The following GLIS3 variants were observed in gnomAD, a reference collection of about 807,000 sequenced individuals.
GLIS3 encodes zinc finger protein GLIS3.
Under a neutral mutation model 78.6 loss-of-function variants are expected in GLIS3, and 53 were observed. The observed-to-expected ratio is 0.67, with a 90% CI of 0.54 to 0.85. The LOEUF (loss-of-function observed/expected upper bound fraction) is 0.85, where lower values mean the gene tolerates loss of function less well. Ranked by LOEUF, GLIS3 falls within the 40% of genes least tolerant of loss-of-function variation. GLIS3 has a pLI of 0.00. For synonymous variants in GLIS3, 684 were observed against 509.9 expected (o/e 1.34, Z -4.60); for missense variants, 1,703 against 1,231.1 (o/e 1.38, Z -5.74).
At chr9:4,020,915 C>T (rs1443322402) in intron 4 of GLIS3, among the ~76,000 whole-genome samples, 1 of 152,164 alleles carries the variant, frequency 6.6e-6, no homozygotes, top group Non-Finnish European at 1.5e-5. Context: ...TCAACTTCCA[C>T]CTGCACACAG....
chr9:3,993,232 G>A (rs529146224), intron 4 of GLIS3, among the ~76,000 whole-genome samples: 1 of 152,236 alleles, frequency 6.6e-6, no homozygotes, highest in South Asian at 2.1e-4. Flanking sequence ...GCCTCATACT[G>A]TTTGTCAGAT....
At chr9:4,232,472 C>T (rs144867212) in intron 2 of GLIS3, among the ~76,000 whole-genome samples, 1 of 151,828 alleles carries the variant, frequency 6.6e-6, no homozygotes, top group East Asian at 1.9e-4. Flanking sequence ...CTTCAAGTTC[C>T]TATGTTTACT....
chr9:4,026,370 T>C (rs1179831109), intron 4 of GLIS3, among the ~76,000 whole-genome samples: 1 of 152,208 alleles, frequency 6.6e-6, no homozygotes, highest in Non-Finnish European at 1.5e-5. Context: ...ATAATAATGC[T>C]TTTCTGTTAT....
At chr9:4,328,194 C>T (rs10814940) in intron 2 of GLIS3, among the ~76,000 whole-genome samples, 2 of 152,074 alleles carry the variant, frequency 1.3e-5, no homozygotes, top group Non-Finnish European at 2.9e-5. Context: ...AGACCCGAGA[C>T]TGACTAACCC....
intron 8 of GLIS3, among the ~76,000 whole-genome samples, chr9:3,858,772 C>G (rs890926796): frequency 1.3e-4 from 19 of 151,940 alleles, no homozygotes; most frequent in African/African-American, 4.6e-4. Context: ...AAGAAGTGAT[C>G]ACAATTATCC....
At chr9:3,841,829 C>G (rs557606319) in intron 9 of GLIS3, among the ~76,000 whole-genome samples, 2 of 152,294 alleles carry the variant, frequency 1.3e-5, no homozygotes, top group South Asian at 4.1e-4. Context: ...ACTAAAAATT[C>G]TAGCTCCTGC....
chr9:4,169,071 G>C (rs145838657), intron 2 of GLIS3, among the ~76,000 whole-genome samples: 1 of 152,194 alleles, frequency 6.6e-6, no homozygotes, highest in Non-Finnish European at 1.5e-5. Flanking sequence ...GAAGATGGGA[G>C]AGGTGATTGT....
the GLIS3 span, among the ~76,000 whole-genome samples, chr9:4,408,771 G>A: frequency 6.7e-6 from 1 of 149,676 alleles, no homozygotes; most frequent in Non-Finnish European, 1.5e-5. Flanking sequence ...ATAGGACCTA[G>A]TATTTGATGT....
chr9:4,182,069 C>T (rs949167872), intron 2 of GLIS3, among the ~76,000 whole-genome samples: 1 of 152,130 alleles, frequency 6.6e-6, no homozygotes, highest in African/African-American at 2.4e-5. Flanking sequence ...TCTTTAAGTA[C>T]ACCTATGTTG....
intron 4 of GLIS3, among the ~76,000 whole-genome samples, chr9:4,010,252 C>G (rs758172117): frequency 6.6e-6 from 1 of 152,192 alleles, no homozygotes; most frequent in Non-Finnish European, 1.5e-5. Context: ...AACTCTGCCA[C>G]TTACTAGACA....
chr9:4,272,657 C>A (rs1193862666), intron 2 of GLIS3, among the ~76,000 whole-genome samples: 2 of 152,134 alleles, frequency 1.3e-5, no homozygotes, highest in Non-Finnish European at 2.9e-5. Context: ...TCTAGAATAA[C>A]CAGAAACTTG....
At chr9:4,273,968 A>G (rs537982901) in intron 2 of GLIS3, among the ~76,000 whole-genome samples, 7 of 152,276 alleles carry the variant, frequency 4.6e-5, no homozygotes, top group African/African-American at 1.7e-4. Flanking sequence ...GCCTCATGAA[A>G]CCAAAGAAAA....
the GLIS3 span, among the ~76,000 whole-genome samples, chr9:4,357,330 G>A: frequency 1.3e-5 from 2 of 152,266 alleles, no homozygotes; most frequent in East Asian, 3.9e-4. Flanking sequence ...CAATCCCCTG[G>A]AAGCTTTAAT....
intron 8 of GLIS3, among the ~76,000 whole-genome samples, chr9:3,862,525 ATTTC>A (rs1820279627): frequency 6.6e-6 from 1 of 152,104 alleles, no homozygotes; most frequent in Non-Finnish European, 1.5e-5. Context: ...GTACACATTT[ATTTC>A]TTTAACAAAA....
intron 4 of GLIS3, among the ~76,000 whole-genome samples, chr9:4,020,961 C>T (rs903977781): frequency 6.6e-6 from 1 of 152,162 alleles, no homozygotes; most frequent in African/African-American, 2.4e-5. Context: ...CTTCTATGCG[C>T]TAGAGAAAGT....
intron 3 of GLIS3, among the ~76,000 whole-genome samples, chr9:4,125,343 T>C (rs1004368458): frequency 6.6e-6 from 1 of 152,176 alleles, no homozygotes; most frequent in African/African-American, 2.4e-5. Flanking sequence ...CTGGAAACTC[T>C]GCATCATATT....
chr9:4,329,797 C>CTT (rs1817657581), intron 2 of GLIS3, among the ~76,000 whole-genome samples: 1 of 152,126 alleles, frequency 6.6e-6, no homozygotes, highest in African/African-American at 2.4e-5. Flanking sequence ...CGTATTAATA[C>CTT]TGTCATTTCT....
At chr9:3,930,562 G>A (rs1042584630) in intron 6 of GLIS3, among the ~76,000 whole-genome samples, 1 of 152,110 alleles carries the variant, frequency 6.6e-6, no homozygotes, top group African/African-American at 2.4e-5. Flanking sequence ...ATTTGAACAG[G>A]AGAAACCATT....
At chr9:4,251,233 C>G (rs4347036) in intron 2 of GLIS3, among the ~76,000 whole-genome samples, 147,688 of 152,256 alleles carry the variant, frequency 0.97, 71,778 homozygotes, top group Middle Eastern at 1. Context: ...ACTATTATTT[C>G]GGACTCTACG....
Sources: allele counts gnomAD v4.1 joint callset (sites outside exome capture counted in the v4.1 genomes callset), GRCh38; gene constraint gnomAD v4.1.1; transcripts MANE v1.5; gene names NCBI Gene and HGNC (gene_info 2026-07-23, HGNC 2026-07-21).